The following CSMD1 variants were observed in gnomAD, a reference collection of about 807,000 sequenced individuals.
CSMD1 encodes the protein CUB and sushi domain-containing protein 1.
CSMD1 carries 213 observed loss-of-function variants against 417.5 expected under a neutral mutation model. The ratio of observed to expected loss-of-function variants is 0.51; its 90% CI spans 0.46 to 0.57. CSMD1 has a LOEUF of 0.57. Among genes scored for constraint, CSMD1 ranks in the 20% least tolerant of loss-of-function variants. The probability of loss-of-function intolerance (pLI) is 0.00; values close to 1 mark genes in which losing one functional copy is unlikely to be tolerated. For synonymous variants in CSMD1, 2,862 were observed against 1,736.8 expected (o/e 1.65, Z -16.11); for missense variants, 6,923 against 4,529.7 (o/e 1.53, Z -15.17).
intron 5 of CSMD1, among the ~76,000 whole-genome samples, chr8:3,804,484 T>G (rs117904768): frequency 0.015 from 2,284 of 152,292 alleles, 48 homozygotes; most frequent in East Asian, 0.039. Context: ...GAATAATGGA[T>G]TTGATCACTT....
intron 18 of CSMD1, among the ~76,000 whole-genome samples, chr8:3,375,519 C>G (rs1810252499): frequency 6.6e-6 from 1 of 151,956 alleles, no homozygotes. Flanking sequence ...CTACAGAAGT[C>G]GCTGATTTTA....
At chr8:4,256,053 T>C (rs548014173) in intron 3 of CSMD1, among the ~76,000 whole-genome samples, 10 of 152,314 alleles carry the variant, frequency 6.6e-5, no homozygotes, top group African/African-American at 1.9e-4. Context: ...GATGCAACGA[T>C]TGCATATTTC....
intron 2 of CSMD1, among the ~76,000 whole-genome samples, chr8:4,625,527 C>T (rs957254634): frequency 3.3e-5 from 5 of 151,896 alleles, no homozygotes; most frequent in Non-Finnish European, 7.4e-5. Flanking sequence ...TCCTCCCTAC[C>T]TGAACCATCT....
At chr8:3,325,276 C>T (rs1361689039) in intron 23 of CSMD1, among the ~76,000 whole-genome samples, 2 of 152,208 alleles carry the variant, frequency 1.3e-5, no homozygotes, top group African/African-American at 2.4e-5. Flanking sequence ...AATACAATCA[C>T]AATCACTTTT....
chr8:4,992,394 A>G (rs1811517059), intron 1 of CSMD1, among the ~76,000 whole-genome samples: 1 of 152,154 alleles, frequency 6.6e-6, no homozygotes, highest in Admixed American at 6.5e-5. Context: ...AGCGTGCGGA[A>G]CTCGAGGGAA....
chr8:3,720,555 T>C (rs940758741), intron 6 of CSMD1, among the ~76,000 whole-genome samples: 1 of 151,346 alleles, frequency 6.6e-6, no homozygotes, highest in Non-Finnish European at 1.5e-5. Context: ...CTAACCTTCT[T>C]AAACAGGGGT....
intron 3 of CSMD1, among the ~76,000 whole-genome samples, chr8:4,125,615 TTA>T (rs1310942684): frequency 1.3e-5 from 2 of 152,190 alleles, no homozygotes; most frequent in East Asian, 1.9e-4. Flanking sequence ...ACTGAGGAAA[TTA>T]TGTCAGTGAC....
rs1797045855 is a variant in CSMD1 at position 4,025,995 on chromosome 8, A to ACAACTC, written c.610+5909_610+5910insGAGTTG. ...CATTGTAGAAGGAGACAGTCATGCT[A>ACAACTC]CTGTTAGGAACTCTATAAAAAAAAA... On this transcript the variant is annotated intron_variant, in intron 4 of 69. Transcript: ENST00000635120. Among the ~76,000 whole-genome samples the ACAACTC allele has an allele frequency of 2.1e-5, 3 of 143,444 alleles. No individual in the cohort carries two copies. In the Admixed American group the frequency reaches 2.2e-4, roughly 10 times the overall value. The allele number at this position is 143,444 out of a possible 152,430, so 94.1% of individuals were successfully genotyped here. A position where few individuals can be genotyped will look rare whatever the true frequency, so the allele number is the denominator to read the frequency against.
intron 1 of CSMD1, among the ~76,000 whole-genome samples, chr8:4,680,654 A>T (rs528986245): frequency 5.4e-4 from 82 of 152,182 alleles, no homozygotes; most frequent in African/African-American, 1.8e-3. Flanking sequence ...ATCTTGGCTC[A>T]CTGCAACCTC....
At chr8:3,041,885 C>T (rs1339220256) in intron 50 of CSMD1, among the ~76,000 whole-genome samples, 3 of 152,316 alleles carry the variant, frequency 2.0e-5, no homozygotes, top group African/African-American at 4.8e-5. Context: ...AGTACAATCA[C>T]GCAAACGTTA....
chr8:4,727,773 C>A (rs992021569), intron 1 of CSMD1, among the ~76,000 whole-genome samples: 1 of 151,600 alleles, frequency 6.6e-6, no homozygotes. Flanking sequence ...CTGCTCTCTG[C>A]TTCCAGGTGC....
In CSMD1 at chr8:4,374,759, T is replaced by C. The variant is rs140851451; in HGVS notation, c.415+45194A>G. On this transcript the variant is annotated intron_variant, in intron 3 of 69. Coordinates refer to ENST00000635120, the MANE Select transcript of CSMD1 (RefSeq NM_033225.6). ...AGCAGCAGAGACGTCCAAGTGGTTCTTGTCTAATGAATGGCCACCTGCTCT... is the reference window on the plus strand; with the variant it reads ...AGCAGCAGAGACGTCCAAGTGGTTCCTGTCTAATGAATGGCCACCTGCTCT... Among the ~76,000 whole-genome samples, 28 of 152,244 alleles carry C rather than the reference T, an allele frequency of 1.8e-4. No individual in the cohort carries two copies. The East Asian group carries it at 4.8e-3, about 26-fold the overall frequency.
chr8:3,493,509 G>T (rs1563090807), intron 11 of CSMD1, 114 bp downstream of exon 11: 2 of 731,046 alleles, frequency 2.7e-6, no homozygotes, highest in East Asian at 2.7e-5. Flanking sequence ...AGCCATAGAT[G>T]GCACTAAGCA....
At chr8:4,209,409 T>C (rs947683501) in intron 3 of CSMD1, among the ~76,000 whole-genome samples, 7 of 152,130 alleles carry the variant, frequency 4.6e-5, no homozygotes, top group African/African-American at 1.4e-4. Context: ...AGGGTTCCTG[T>C]GGAATTGTAT....
intron 12 of CSMD1, among the ~76,000 whole-genome samples, chr8:3,414,870 C>A (rs916429817): frequency 3.3e-5 from 5 of 152,140 alleles, no homozygotes; most frequent in African/African-American, 4.8e-5. Context: ...CTAATTCAGT[C>A]TGCGCTTGCT....
chr8:3,655,909 T>A (rs555431908), intron 7 of CSMD1, among the ~76,000 whole-genome samples: 2 of 152,312 alleles, frequency 1.3e-5, no homozygotes, highest in South Asian at 2.1e-4. Context: ...ATCCTTGTGA[T>A]GCCAGGAATG....
intron 5 of CSMD1, among the ~76,000 whole-genome samples, chr8:3,883,490 A>G (rs773308768): frequency 6.6e-6 from 1 of 152,176 alleles, no homozygotes; most frequent in South Asian, 2.1e-4. Context: ...GCACACAAAT[A>G]TACCTTTTCA....
At chr8:3,117,282 A>G (rs1816930901) in intron 42 of CSMD1, among the ~76,000 whole-genome samples, 1 of 152,144 alleles carries the variant, frequency 6.6e-6, no homozygotes, top group Non-Finnish European at 1.5e-5. Flanking sequence ...CGTGTTAGCC[A>G]GGATGGTCTT....
chr8:3,189,032 T>G, intron 34 of CSMD1, 21 bp from the exon 35 acceptor site: 1 of 1,603,500 alleles, frequency 6.2e-7, no homozygotes, highest in Non-Finnish European at 8.5e-7. Flanking sequence ...CAACCATATG[T>G]CATGAAATAA....
Sources: gnomAD v4.1 joint callset for allele counts (sites outside exome capture counted in the v4.1 genomes callset) on GRCh38, gnomAD v4.1.1 for gene constraint, MANE v1.5 for transcripts, NCBI Gene and HGNC (gene_info 2026-07-23, HGNC 2026-07-21) for gene names.